Variants in TBC1D12 observed in about 807,000 individuals in gnomAD.
The protein encoded by TBC1D12 is TBC1 domain family, member 12.
TBC1D12 carries 56 observed loss-of-function variants against 86.7 expected under a neutral mutation model. The ratio of observed to expected loss-of-function variants is 0.65; its 90% CI spans 0.52 to 0.81. The LOEUF (loss-of-function observed/expected upper bound fraction) is 0.81, where lower values mean the gene tolerates loss of function less well. TBC1D12 is among the 30% of genes least tolerant of loss of function. The pLI, the probability that TBC1D12 is intolerant of heterozygous loss-of-function variation, is 0.00. For synonymous variants in TBC1D12, 421 were observed against 411.7 expected, an observed-to-expected ratio of 1.02 and a Z score of -0.27; for missense variants, 1,023 against 1,038.8, an observed-to-expected ratio of 0.98 and a Z score of 0.21.
intron 2 of TBC1D12, among the ~76,000 whole-genome samples, chr10:94,469,701 C>T (rs180947466): frequency 6.6e-6 from 1 of 152,240 alleles, no homozygotes; most frequent in Non-Finnish European, 1.5e-5. Flanking sequence ...CCACCCACCT[C>T]AGCTTCCCAA....
chr10:94,418,281 G>T (rs1046897613), intron 1 of TBC1D12, among the ~76,000 whole-genome samples: 1 of 152,152 alleles, frequency 6.6e-6, no homozygotes, highest in African/African-American at 2.4e-5. Flanking sequence ...AACAGTCCAT[G>T]TTTAAAGGAG....
intron 9 of TBC1D12, among the ~76,000 whole-genome samples, chr10:94,520,797 C>G (rs1842129821): frequency 6.6e-6 from 1 of 151,752 alleles, no homozygotes; most frequent in Non-Finnish European, 1.5e-5. Flanking sequence ...GTAGCTAGGA[C>G]TACAGGCACC....
chr10:94,532,810 CA>C (rs1295981262), intron 12 of TBC1D12, among the ~76,000 whole-genome samples: 1 of 151,844 alleles, frequency 6.6e-6, no homozygotes, highest in East Asian at 1.9e-4. Flanking sequence ...GTTATGTTAC[CA>C]AATAGTAATT....
chr10:94,455,344 C>T (rs2055611793), intron 2 of TBC1D12, among the ~76,000 whole-genome samples: 2 of 151,926 alleles, frequency 1.3e-5, no homozygotes, highest in South Asian at 2.1e-4. Context: ...TTGGTCTGTA[C>T]GTTTCTTTTT....
At chr10:94,465,019 G>A (rs550951584) in intron 2 of TBC1D12, among the ~76,000 whole-genome samples, 19 of 152,278 alleles carry the variant, frequency 1.2e-4, no homozygotes, top group South Asian at 4.2e-4. Flanking sequence ...AGAGAAGAAC[G>A]TTTTAATAGT....
chr10:94,466,888 T>G (rs2055833010), intron 2 of TBC1D12, among the ~76,000 whole-genome samples: 1 of 152,250 alleles, frequency 6.6e-6, no homozygotes, highest in African/African-American at 2.4e-5. Context: ...TCACAATTCC[T>G]TAGTCTCTAT....
At chr10:94,408,670 A>G (rs1028623469) in intron 1 of TBC1D12, among the ~76,000 whole-genome samples, 2 of 152,186 alleles carry the variant, frequency 1.3e-5, no homozygotes, top group African/African-American at 4.8e-5. Flanking sequence ...CATCATAAAC[A>G]TCTCTGTCCT....
intron 1 of TBC1D12, among the ~76,000 whole-genome samples, chr10:94,406,909 C>T (rs2054860754): frequency 6.6e-6 from 1 of 152,130 alleles, no homozygotes; most frequent in Non-Finnish European, 1.5e-5. Flanking sequence ...TTTCCCAATC[C>T]ATGTTTATGT....
chr10:94,441,822 CTTA>C, intron 1 of TBC1D12, 71 bp from the exon 2 acceptor site: 1 of 1,488,836 alleles, frequency 6.7e-7, no homozygotes, highest in Non-Finnish European at 9.1e-7. Context: ...TGGGAACAAA[CTTA>C]TTATAAAATT....
At chr10:94,430,770 T>C (rs960175614) in intron 1 of TBC1D12, among the ~76,000 whole-genome samples, 11 of 152,234 alleles carry the variant, frequency 7.2e-5, no homozygotes, top group African/African-American at 2.4e-4. Flanking sequence ...TTCCCCTCTT[T>C]TCTCTTCTAA....
chr10:94,443,329 G>C (rs905934788), intron 2 of TBC1D12, among the ~76,000 whole-genome samples: 1 of 152,100 alleles, frequency 6.6e-6, no homozygotes, highest in Non-Finnish European at 1.5e-5. Flanking sequence ...TTTTTCAAGA[G>C]ACTTGGTATT....
At chr10:94,472,326 G>A (rs1308956900) in intron 2 of TBC1D12, among the ~76,000 whole-genome samples, 1 of 152,184 alleles carries the variant, frequency 6.6e-6, no homozygotes, top group Non-Finnish European at 1.5e-5. Flanking sequence ...GGCAGGCTAT[G>A]GAGCCAAACT....
chr10:94,494,006 T>C (rs1214232778), intron 4 of TBC1D12, among the ~76,000 whole-genome samples: 1 of 151,822 alleles, frequency 6.6e-6, no homozygotes, highest in East Asian at 1.9e-4. Context: ...CTAATTATTT[T>C]ATAATTTAAT....
chr10:94,459,482 C>T (rs1040998967), intron 2 of TBC1D12, among the ~76,000 whole-genome samples: 13 of 152,368 alleles, frequency 8.5e-5, no homozygotes, highest in East Asian at 3.9e-4. Flanking sequence ...GCCAGTACCG[C>T]GCTGTGCGCC....
chr10:94,450,450 A>C (rs967895471), intron 2 of TBC1D12, among the ~76,000 whole-genome samples: 1 of 152,026 alleles, frequency 6.6e-6, no homozygotes, highest in Non-Finnish European at 1.5e-5. Context: ...ACAGGAATGA[A>C]TAGGATCTGT....
intron 3 of TBC1D12, among the ~76,000 whole-genome samples, chr10:94,481,096 T>C (rs183019549): frequency 2.7e-5 from 4 of 147,468 alleles, no homozygotes; most frequent in African/African-American, 1.0e-4. Flanking sequence ...AGTCTTAAAA[T>C]ATTCATTTAA....
chr10:94,503,683 G>A (rs566582301), intron 6 of TBC1D12, among the ~76,000 whole-genome samples: 1 of 152,122 alleles, frequency 6.6e-6, no homozygotes, highest in South Asian at 2.1e-4. Flanking sequence ...GGAGTGCAGT[G>A]GTGCTCTCTC....
In TBC1D12 at chr10:94,533,018, TA is replaced by T; in HGVS notation, c.2260-8del. The T allele has an allele frequency of 1.3e-6, 2 of 1,488,796 alleles. No individual in the cohort carries two copies. The highest frequency in any genetic ancestry group is 1.2e-5 in the South Asian group (1 of 81,836). 92.2% of individuals were successfully genotyped at this position (1,488,796 alleles called of 1,614,324 possible). On this transcript the variant is annotated splice_polypyrimidine_tract_variant and intron_variant, in intron 12 of 12. Transcript: ENST00000225235. ...TTTGAGGATTAATCTTTATTTTATA[TA>T]ATTTTCAGGTCTTTGCATCTGTAAT... is the stretch of plus-strand genomic sequence containing the variant.
chr10:94,498,569 T>G (rs1356996707), intron 5 of TBC1D12, among the ~76,000 whole-genome samples: 2 of 152,070 alleles, frequency 1.3e-5, no homozygotes, highest in East Asian at 3.9e-4. Flanking sequence ...TTCTTATGCC[T>G]TAGTCTCCCT....
Sources: gnomAD v4.1 joint callset for allele counts (sites outside exome capture counted in the v4.1 genomes callset) on GRCh38, gnomAD v4.1.1 for gene constraint, MANE v1.5 for transcripts, NCBI Gene and HGNC (gene_info 2026-07-23, HGNC 2026-07-21) for gene names.